Variants in COL11A1 observed in about 807,000 individuals in gnomAD.
COL11A1 encodes the protein collagen type XI alpha 1 chain.
A neutral mutation model predicts 265.2 loss-of-function variants in COL11A1; 74 were observed. The ratio of observed to expected loss-of-function variants is 0.28; its 90% CI spans 0.23 to 0.34. The LOEUF is 0.34. Among genes scored for constraint, COL11A1 ranks in the 10% least tolerant of loss-of-function variants. COL11A1 has a pLI of 1.00. For missense variants in COL11A1, 2,165 were observed against 2,263.6 expected (o/e 0.96, Z 0.88); for synonymous variants, 816 against 727.6 (o/e 1.12, Z -1.96).
intron 54 of COL11A1, among the ~76,000 whole-genome samples, chr1:102,901,749 C>T (rs1653233251): frequency 2.0e-5 from 3 of 152,184 alleles, no homozygotes; most frequent in Non-Finnish European, 4.4e-5. Flanking sequence ...CTCAAGAGAA[C>T]TATTCTTCAT....
At chr1:102,926,289 T>A (rs1185669814) in intron 46 of COL11A1, among the ~76,000 whole-genome samples, 1 of 152,114 alleles carries the variant, frequency 6.6e-6, no homozygotes, top group East Asian at 1.9e-4. Context: ...TGTTTTAAGG[T>A]CTGTCAATTT....
At chr1:103,021,678 C>T (rs1174060478) in intron 9 of COL11A1, 29 bp downstream of exon 9, 1 of 1,521,116 alleles carries the variant, frequency 6.6e-7, no homozygotes, top group South Asian at 1.1e-5. Context: ...TTTTACCAAC[C>T]TTTAAAGTGT....
intron 4 of COL11A1, among the ~76,000 whole-genome samples, chr1:103,056,611 C>T (rs914717954): frequency 6.6e-6 from 1 of 152,078 alleles, no homozygotes; most frequent in Non-Finnish European, 1.5e-5. Flanking sequence ...AACACCAGAA[C>T]ATTCTGTTCT....
intron 65 of COL11A1, 36 bp from the exon 66 acceptor site, chr1:102,879,952 CT>C (rs1650025174): frequency 7.6e-7 from 1 of 1,314,202 alleles, no homozygotes; most frequent in Non-Finnish European, 1.1e-6. Flanking sequence ...CCTAATGACT[CT>C]TTTCCTCTTT....
intron 49 of COL11A1, among the ~76,000 whole-genome samples, chr1:102,920,015 C>T (rs1557821259): frequency 6.6e-6 from 1 of 151,950 alleles, no homozygotes; most frequent in African/African-American, 2.4e-5. Context: ...TACAGGAATC[C>T]TCTAGGGCTC....
Position 102,887,030 on chromosome 1 carries a change from A to G in COL11A1, c.4635T>C (p.Pro1545=), listed in dbSNP as rs1273521274. The G allele has an allele frequency of 4.3e-6, 7 of 1,613,902 alleles. No individual in the cohort carries two copies. The highest frequency in any genetic ancestry group is 5.9e-6 in the Non-Finnish European group (7 of 1,179,836). The part of the protein sequence containing the change: ...SPGPPGEVIQ[P]LPILSSKKTR... ...TTTTTTTGGAGGACAAGATTGGTAA[A>G]GGCTGAATGACTTCACCAGGTGGAC... Residue 1545 remains proline (P), a synonymous_variant, in exon 63 of 67, where the codon CCT becomes CCC. Transcript: ENST00000370096.
In COL11A1 at chr1:102,989,518, T is replaced by C; in HGVS notation, c.2394A>G (p.Arg798=). 6.2e-7 allele frequency: 1 copy of C among 1,606,492 alleles called. No homozygotes were observed. Residue 798 remains arginine (R), a splice_region_variant and synonymous_variant, in exon 29 of 67, where the codon AGA becomes AGG. Coordinates refer to ENST00000370096, the MANE Select transcript of COL11A1 (RefSeq NM_001854.4). ...TGGTGTACATTTTCTCTATACTTAC[T>C]CTGTCACCTTTTAGACCCATGTCAC... The part of the protein sequence containing the change: ...FKGDMGLKGD[R]GEVGQIGPRG...
At chr1:103,048,547 C>A (rs1201248301) in intron 4 of COL11A1, among the ~76,000 whole-genome samples, 3 of 152,074 alleles carry the variant, frequency 2.0e-5, no homozygotes, top group African/African-American at 4.8e-5. Context: ...TTCAGAAAAC[C>A]AGCTCCTGGA....
chr1:102,911,275 C>G (rs1024686792), intron 54 of COL11A1, among the ~76,000 whole-genome samples: 1 of 151,992 alleles, frequency 6.6e-6, no homozygotes, highest in African/African-American at 2.4e-5. Context: ...AATATTGATT[C>G]AAATTTGTAT....
chr1:102,963,575 G>A (rs1376035685), intron 38 of COL11A1, among the ~76,000 whole-genome samples: 4 of 152,136 alleles, frequency 2.6e-5, no homozygotes, highest in Non-Finnish European at 5.9e-5. Context: ...TGCTAAGGTT[G>A]TTAAACAGGA....
intron 11 of COL11A1, 40 bp downstream of exon 11, chr1:103,017,780 G>T (rs1031695777): frequency 2.6e-5 from 39 of 1,503,368 alleles, no homozygotes; most frequent in Non-Finnish European, 3.4e-5. Flanking sequence ...AAGTCTGTAT[G>T]ACATGCATTT....
At position 103,023,584 on chromosome 1, in the gene COL11A1, C is replaced by T. The variant is rs539920393; in HGVS notation, c.991-588G>A. 1.1e-4 allele frequency among the ~76,000 whole-genome samples: 16 copies of T among 152,052 alleles called. No homozygotes were observed. The South Asian group carries it at 1.2e-3, about 12-fold the overall frequency. On this transcript the variant is annotated intron_variant, in intron 7 of 66. Coordinates refer to ENST00000370096, the MANE Select transcript of COL11A1 (RefSeq NM_001854.4). ...GTTGATCAGGCTGGTCTCGAACTCC[C>T]GACCTGAGGTGATCCACCCGCCTTG...
intron 4 of COL11A1, among the ~76,000 whole-genome samples, chr1:103,059,489 C>A (rs1236190345): frequency 6.6e-6 from 1 of 151,900 alleles, no homozygotes; most frequent in Non-Finnish European, 1.5e-5. Flanking sequence ...AGGCATACTG[C>A]AAGGAAAAGA....
chr1:102,978,123 T>A (rs1413881198), intron 35 of COL11A1, among the ~76,000 whole-genome samples: 2 of 152,160 alleles, frequency 1.3e-5, no homozygotes, highest in Admixed American at 6.5e-5. Flanking sequence ...GGAGGATAGC[T>A]TTTTTAAAAA....
chr1:102,935,205 A>T (rs1304750233), intron 44 of COL11A1, 92 bp from the exon 45 acceptor site: 1 of 943,118 alleles, frequency 1.1e-6, no homozygotes, highest in African/African-American at 1.6e-5. Flanking sequence ...AAGATCAAAC[A>T]CTTCTGCACT....
intron 51 of COL11A1, 80 bp from the exon 52 acceptor site, chr1:102,914,485 G>T: frequency 7.4e-7 from 1 of 1,353,046 alleles, no homozygotes; most frequent in Non-Finnish European, 1.0e-6. Flanking sequence ...AGGTGAAGAG[G>T]TTAAAGTCAT....
chr1:102,958,693 A>G (rs1007333267), intron 41 of COL11A1, among the ~76,000 whole-genome samples: 3 of 152,208 alleles, frequency 2.0e-5, no homozygotes, highest in African/African-American at 7.2e-5. Context: ...TGATGTTTGC[A>G]TATTTGATTT....
chr1:103,053,818 TA>T (rs1670019980), intron 4 of COL11A1, among the ~76,000 whole-genome samples: 2 of 152,330 alleles, frequency 1.3e-5, no homozygotes, highest in South Asian at 2.1e-4. Context: ...CTTATTGCCA[TA>T]AAAACATCTT....
intron 47 of COL11A1, among the ~76,000 whole-genome samples, chr1:102,922,197 A>G (rs534400708): frequency 3.2e-4 from 48 of 152,334 alleles, no homozygotes; most frequent in African/African-American, 1.2e-3. Flanking sequence ...GTACATTAGT[A>G]CATTTCACTG....
Sources: allele counts gnomAD v4.1 joint callset (sites outside exome capture counted in the v4.1 genomes callset), GRCh38; gene constraint gnomAD v4.1.1; transcripts MANE v1.5; gene names NCBI Gene and HGNC (gene_info 2026-07-23, HGNC 2026-07-21).